The following RPRD2 variants were observed in gnomAD, a reference collection of about 807,000 sequenced individuals.
RPRD2 encodes regulation of nuclear pre-mRNA domain containing 2.
RPRD2 carries 12 observed loss-of-function variants against 104.4 expected under a neutral mutation model. The ratio of observed to expected loss-of-function variants is 0.11; its 90% CI spans 0.07 to 0.19. The LOEUF (loss-of-function observed/expected upper bound fraction) is 0.19. RPRD2 is among the 10% of genes least tolerant of loss of function. RPRD2 has a pLI of 1.00. For synonymous variants in RPRD2, 714 were observed against 684.9 expected (o/e 1.04, Z -0.66); for missense variants, 1,543 against 1,790.1 (o/e 0.86, Z 2.49).
chr1:150,388,493 C>CCG lies in RPRD2; in HGVS notation c.205+23578_205+23579dup, dbSNP rs1553882545. Among the ~76,000 whole-genome samples, 94 of 145,090 alleles carry CCG rather than the reference C, an allele frequency of 6.5e-4. 2 individuals carry two copies. Among genetic ancestry groups the CCG allele is most frequent in the Admixed American group, 4.6e-3 (62 of 13,558 alleles). ...ATACACATACACTATATATATATAC[C>CCG]CGCGCACACACACACACACACACAC... is the stretch of plus-strand genomic sequence containing the variant. On this transcript the variant is annotated intron_variant, in intron 1 of 10. Coordinates refer to ENST00000369068, the MANE Select transcript of RPRD2 (RefSeq NM_015203.5).
At chr1:150,425,012 G>A (rs187984832) in intron 2 of RPRD2, among the ~76,000 whole-genome samples, 6 of 152,210 alleles carry the variant, frequency 3.9e-5, no homozygotes. Flanking sequence ...AGATACAATG[G>A]TTTAAGACCA....
chr1:150,439,703 CTT>C (rs1666283580), intron 2 of RPRD2, among the ~76,000 whole-genome samples: 1 of 144,564 alleles, frequency 6.9e-6, no homozygotes, highest in Admixed American at 7.1e-5. Flanking sequence ...CCTGTTTTGT[CTT>C]TTGATAGATC....
chr1:150,429,789 C>G (rs936684478), intron 2 of RPRD2, among the ~76,000 whole-genome samples: 48 of 152,254 alleles, frequency 3.2e-4, no homozygotes, highest in African/African-American at 1.1e-3. Flanking sequence ...GATTTGACTT[C>G]TGGCAGAATA....
intron 1 of RPRD2, among the ~76,000 whole-genome samples, chr1:150,407,885 A>T (rs956694276): frequency 6.6e-6 from 1 of 152,082 alleles, no homozygotes; most frequent in East Asian, 1.9e-4. Context: ...TGGACGATCT[A>T]ATCTAAACTA....
intron 1 of RPRD2, among the ~76,000 whole-genome samples, chr1:150,377,182 G>A (rs1660764648): frequency 6.6e-6 from 1 of 151,784 alleles, no homozygotes; most frequent in East Asian, 2.0e-4. Flanking sequence ...CTACACTCCA[G>A]CCTGGTGACA....
intron 1 of RPRD2, among the ~76,000 whole-genome samples, chr1:150,408,313 C>T (rs889134829): frequency 9.9e-5 from 15 of 151,506 alleles, no homozygotes; most frequent in East Asian, 1.9e-4. Flanking sequence ...TGCAGGTACC[C>T]GCCACCACGG....
intron 9 of RPRD2, 65 bp from the exon 10 acceptor site, chr1:150,464,462 G>A: frequency 8.0e-7 from 1 of 1,252,436 alleles, no homozygotes; most frequent in Non-Finnish European, 1.1e-6. Context: ...TTGAAGTGAG[G>A]GGAAGTATCG....
chr1:150,472,398 C>T lies in RPRD2; in HGVS notation c.3450C>T (p.Ser1150=), dbSNP rs751816388. 6.8e-6 allele frequency: 11 copies of T among 1,613,844 alleles called. No individual in the cohort carries two copies. Among genetic ancestry groups the T allele is most frequent in the Non-Finnish European group, 9.3e-6 (11 of 1,179,890 alleles). ...CTTCAAGTGCCTCTGAGTTGGCATC[C>T]CTTGGGGGTGGGGGCAGCGGAGGCC... is the stretch of plus-strand genomic sequence containing the variant. The part of the protein sequence containing the change: ...NGPSSASELA[S]LGGGGSGGLT... The change falls in exon 11 of 11, where the codon TCC becomes TCT. Residue 1150 remains serine (S), a synonymous_variant. Coordinates refer to ENST00000369068, the MANE Select transcript of RPRD2 (RefSeq NM_015203.5).
chr1:150,464,751 C>T (rs1553899576), intron 10 of RPRD2, 24 bp downstream of exon 10: 16 of 1,570,960 alleles, frequency 1.0e-5, no homozygotes, highest in Non-Finnish European at 1.4e-5. Context: ...GCCAGAGGGA[C>T]TCGAATTGTG....
In RPRD2 at chr1:150,373,584, A is replaced by G. The variant is rs1186529898; in HGVS notation, c.205+8665A>G. On this transcript the variant is annotated intron_variant, in intron 1 of 10. Coordinates refer to ENST00000369068, the MANE Select transcript of RPRD2 (RefSeq NM_015203.5). ...TGAGCAACTAGAAAGATAAGAGTTG[A>G]CATTTATTGATATGGGGAAGGCTGT... Among the ~76,000 whole-genome samples, 3 of 145,456 alleles carry G rather than the reference A, an allele frequency of 2.1e-5. No homozygotes were observed. In the East Asian group the frequency reaches 5.9e-4, roughly 29 times the overall value.
intron 1 of RPRD2, among the ~76,000 whole-genome samples, chr1:150,379,614 C>A (rs1660981982): frequency 6.6e-6 from 1 of 152,080 alleles, no homozygotes; most frequent in African/African-American, 2.4e-5. Flanking sequence ...GTTGGTCAGG[C>A]TGGTCTCGAA....
chr1:150,376,761 A>G (rs1316962746), intron 1 of RPRD2, among the ~76,000 whole-genome samples: 1 of 151,426 alleles, frequency 6.6e-6, no homozygotes, highest in African/African-American at 2.4e-5. Context: ...TGGCCTCCCA[A>G]AGTGCTGGGA....
intron 1 of RPRD2, among the ~76,000 whole-genome samples, chr1:150,372,488 AACAC>A (rs781938858): frequency 1.2e-4 from 10 of 83,794 alleles, no homozygotes; most frequent in African/African-American, 4.5e-4. Flanking sequence ...TGAAAAAAGA[AACAC>A]ACACACACAC....
intron 1 of RPRD2, among the ~76,000 whole-genome samples, chr1:150,409,534 G>A (rs964855192): frequency 1.3e-5 from 2 of 151,822 alleles, no homozygotes; most frequent in African/African-American, 2.4e-5. Flanking sequence ...CTATATTCTC[G>A]TGGGGGAGAT....
rs61016870 is a variant in RPRD2, at chr1:150,369,623, A to ATTTTTTTTTTTTTTTTTTT, written c.205+4705_205+4723dup. ...AGGCGCCCGTCACCGCGCCCAGCTA[A>ATTTTTTTTTTTTTTTTTTT]TTTTTTTTTTTTTTTTTTTGTATTT... On this transcript the variant is annotated intron_variant, in intron 1 of 10. Coordinates refer to ENST00000369068, the MANE Select transcript of RPRD2 (RefSeq NM_015203.5). 1.6e-4 allele frequency among the ~76,000 whole-genome samples: 11 copies of ATTTTTTTTTTTTTTTTTTT among 68,892 alleles called. 1 individual carries two copies. Among genetic ancestry groups the ATTTTTTTTTTTTTTTTTTT allele is most frequent in the Admixed American group, 4.5e-4 (3 of 6,664 alleles). The allele number at this position is 68,892 out of a possible 152,430, so 45.2% of individuals were successfully genotyped here.
chr1:150,428,445 ACT>A lies in RPRD2; in HGVS notation c.335+10723_335+10724del, dbSNP rs1372395420. ...ACTCCAGCCTGGGTGATAGAGTGAG[ACT>A]CTGTCTCAAAAAAAAAAAAAAAAAA... On this transcript the variant is annotated intron_variant, in intron 2 of 10. Coordinates refer to ENST00000369068, the MANE Select transcript of RPRD2 (RefSeq NM_015203.5). 2.5e-5 allele frequency among the ~76,000 whole-genome samples: 3 copies of A among 121,284 alleles called. No individual in the cohort carries two copies. The Admixed American group carries it at 2.9e-4, about 12-fold the overall frequency. The allele number at this position is 121,284 out of a possible 152,430, so 79.6% of individuals were successfully genotyped here.
In RPRD2 at chr1:150,472,594, C is replaced by T; in HGVS notation, c.3646C>T (p.Pro1216Ser). 6.2e-7 allele frequency: 1 copy of T among 1,613,946 alleles called. No individual in the cohort carries two copies. Among genetic ancestry groups the T allele is most frequent in the Non-Finnish European group, 8.5e-7 (1 of 1,179,860 alleles). The change falls in exon 11 of 11, where the codon CCA becomes TCA. Residue 1216 changes from proline (P) to serine (S), a missense_variant. Pro to Ser is a moderately conservative substitution (Grantham distance 74, BLOSUM62 -1). This residue lies in a region of RPRD2 where 880 missense variants were observed against 885.6 expected (regional missense o/e 0.99). Coordinates refer to ENST00000369068, the MANE Select transcript of RPRD2 (RefSeq NM_015203.5). ...QREPVGPSSA[P>S]PVPPKDHGGI... Reference sequence around the variant, plus strand: ...AGAGCCAGTGGGGCCATCATCTGCCCCACCTGTCCCTCCTAAGGATCATGG... The same window carrying T: ...AGAGCCAGTGGGGCCATCATCTGCCTCACCTGTCCCTCCTAAGGATCATGG...
At position 150,394,335 on chromosome 1, in the gene RPRD2, C is replaced by T. The variant is rs587735813; in HGVS notation, c.206-23261C>T. Among the ~76,000 whole-genome samples, 3 of 152,186 alleles carry T rather than the reference C, an allele frequency of 2.0e-5. No individual in the cohort carries two copies. The South Asian group carries it at 6.2e-4, about 31-fold the overall frequency. On this transcript the variant is annotated intron_variant, in intron 1 of 10. Coordinates refer to ENST00000369068, the MANE Select transcript of RPRD2 (RefSeq NM_015203.5). Reference sequence around the variant, plus strand: ...AAAGTGCTGGGTTTACAGGCGTGAACCACTGCACCAGGCCTGAATTAAGTT... The same window carrying T: ...AAAGTGCTGGGTTTACAGGCGTGAATCACTGCACCAGGCCTGAATTAAGTT...
rs372208168 is a variant in RPRD2 at position 150,457,583 on chromosome 1, G to A, written c.1153+13G>A. 17 of 1,608,290 alleles carry A rather than the reference G, an allele frequency of 1.1e-5. No individual in the cohort carries two copies. Among genetic ancestry groups the A allele is most frequent in the Non-Finnish European group, 1.2e-5 (14 of 1,174,932 alleles). On this transcript the variant is annotated intron_variant, in intron 8 of 10. Transcript: ENST00000369068. ...TCAAAAATCATTGGTATGTCTTTAT[G>A]TGATTAATAGACAACTTATTCCTTA...
Sources: gnomAD v4.1 joint callset for allele counts (sites outside exome capture counted in the v4.1 genomes callset) on GRCh38, gnomAD v4.1.1 for gene constraint, gnomAD v4.1.1 regional missense constraint, MANE v1.5 for transcripts, NCBI Gene and HGNC (gene_info 2026-07-23, HGNC 2026-07-21) for gene names.